Variants in IGF1R observed in about 807,000 individuals in gnomAD.
The protein encoded by IGF1R is insulin-like growth factor 1 receptor.
In IGF1R, 44 loss-of-function variants were observed where a neutral mutation model predicts 144.6. The ratio of observed to expected loss-of-function variants is 0.30; its 90% confidence interval spans 0.24 to 0.39. The LOEUF (loss-of-function observed/expected upper bound fraction) is 0.39. Among genes scored for constraint, IGF1R ranks in the 10% least tolerant of loss-of-function variants. IGF1R has a pLI of 1.00. For synonymous variants in IGF1R, 795 were observed against 722.8 expected (o/e 1.10, Z -1.60); for missense variants, 1,355 against 1,833.7 (o/e 0.74, Z 4.77).
intron 2 of IGF1R, among the ~76,000 whole-genome samples, chr15:98,785,208 G>A (rs1020148290): frequency 2.0e-5 from 3 of 152,116 alleles, no homozygotes; most frequent in Non-Finnish European, 4.4e-5. Context: ...TGTTATTTAG[G>A]TAATTGAATC....
At chr15:98,888,879 C>A (rs1029037776) in intron 2 of IGF1R, among the ~76,000 whole-genome samples, 4 of 152,192 alleles carry the variant, frequency 2.6e-5, no homozygotes, top group Non-Finnish European at 5.9e-5. Context: ...TCATAAGGGA[C>A]TAAGTTCCTT....
chr15:98,896,794 G>C lies in IGF1R; in HGVS notation c.991G>C (p.Val331Leu), dbSNP rs769313679. ...CIPCEGPCPK[V>L]CEEEKKTKTI... ...CCCTTGTGAAGGTCCTTGCCCGAAG[G>C]TCTGTGAGGAAGAAAAGAAAACAAA... The change falls in exon 4 of 21, where the codon GTC (valine) becomes CTC (leucine). Residue 331 changes from valine to leucine, a missense_variant. Val to Leu is a conservative substitution (Grantham distance 32). This residue lies in a region of IGF1R where 880 missense variants were observed against 1,202.7 expected (regional missense o/e 0.73). Coordinates refer to ENST00000650285, the MANE Select transcript of IGF1R (RefSeq NM_000875.5). The C allele has an allele frequency of 6.2e-7, 1 of 1,613,994 alleles. No individual in the cohort carries two copies. The highest frequency in any genetic ancestry group is 8.5e-7 in the Non-Finnish European group (1 of 1,179,996).
chr15:98,800,547 C>T (rs1193034865), intron 2 of IGF1R, among the ~76,000 whole-genome samples: 2 of 152,148 alleles, frequency 1.3e-5, no homozygotes, highest in Non-Finnish European at 2.9e-5. Flanking sequence ...GAGTGTGACT[C>T]AGCAGATGGG....
intron 2 of IGF1R, among the ~76,000 whole-genome samples, chr15:98,884,743 T>C (rs1175451136): frequency 6.6e-6 from 1 of 151,924 alleles, no homozygotes; most frequent in East Asian, 1.9e-4. Context: ...GGACATATCT[T>C]GAATCTACCC....
chr15:98,938,150 CGCACCACTGGGCACTTTCTGT>C (rs1420786274), intron 17 of IGF1R, among the ~76,000 whole-genome samples: 1 of 152,216 alleles, frequency 6.6e-6, no homozygotes, highest in African/African-American at 2.4e-5. Context: ...CTATGTGCCA[CGCACCACTGGGCACTTTCTGT>C]GCGTGGCCCC....
intron 2 of IGF1R, among the ~76,000 whole-genome samples, chr15:98,784,077 C>A (rs61297860): frequency 7.1e-6 from 1 of 141,068 alleles, no homozygotes; most frequent in Non-Finnish European, 1.5e-5. Context: ...CGGGTTCAAG[C>A]GATTCTCCTG....
intron 10 of IGF1R, among the ~76,000 whole-genome samples, chr15:98,920,267 T>G (rs1225887372): frequency 6.6e-6 from 1 of 152,214 alleles, no homozygotes; most frequent in African/African-American, 2.4e-5. Context: ...CTTCCCCTGT[T>G]CCTGCCTTCC....
intron 1 of IGF1R, among the ~76,000 whole-genome samples, chr15:98,693,655 G>T (rs1278096166): frequency 6.6e-6 from 1 of 152,164 alleles, no homozygotes; most frequent in Non-Finnish European, 1.5e-5. Context: ...ACCCAGGCTG[G>T]AGTGCAATGG....
At position 98,957,137 on chromosome 15, in the gene IGF1R, A is replaced by C; in HGVS notation, c.3799A>C (p.Lys1267Gln). Residue 1267 changes from lysine (K) to glutamine (Q), a missense_variant, in exon 21 of 21, where the codon AAA becomes CAA. Around this residue, in one of 7 missense-constraint regions of IGF1R, gnomAD observed 219 missense variants for 188.8 expected, o/e 1.16. Transcript: ENST00000650285. ...PSFLEIISSI[K>Q]EEMEPGFREV... ...CTTCCTGGAGATCATCAGCAGCATC[A>C]AAGAGGAGATGGAGCCTGGCTTCCG... 1.2e-6 allele frequency: 2 copies of C among 1,614,240 alleles called. No individual in the cohort carries two copies. Among genetic ancestry groups the C allele is most frequent in the East Asian group, 2.2e-5 (1 of 44,882 alleles).
At chr15:98,673,393 C>T (rs1169745235) in intron 1 of IGF1R, among the ~76,000 whole-genome samples, 1 of 152,156 alleles carries the variant, frequency 6.6e-6, no homozygotes, top group Non-Finnish European at 1.5e-5. Context: ...TTTACCTTTC[C>T]TCAGCTGCTC....
intron 2 of IGF1R, among the ~76,000 whole-genome samples, chr15:98,746,686 G>C (rs2054874459): frequency 6.6e-6 from 1 of 152,144 alleles, no homozygotes; most frequent in Admixed American, 6.5e-5. Context: ...CCTTGTCATT[G>C]TTCAAGTCAC....
intron 7 of IGF1R, 48 bp from the exon 8 acceptor site, chr15:98,912,996 T>C: frequency 7.4e-7 from 1 of 1,349,310 alleles, no homozygotes; most frequent in Non-Finnish European, 1.1e-6. Flanking sequence ...TTTTTGAGGG[T>C]TTTGATGTCA....
At chr15:98,736,658 CTGGAG>C (rs1168044502) in intron 2 of IGF1R, among the ~76,000 whole-genome samples, 1 of 146,266 alleles carries the variant, frequency 6.8e-6, no homozygotes, top group East Asian at 2.0e-4. Context: ...ATTGTCCAGG[CTGGAG>C]TGGAGTGGCA....
At chr15:98,675,916 C>G (rs749437131) in intron 1 of IGF1R, among the ~76,000 whole-genome samples, 4 of 150,328 alleles carry the variant, frequency 2.7e-5, no homozygotes, top group Non-Finnish European at 5.9e-5. Context: ...GCCTCCCCCT[C>G]CCCAGTCCAA....
chr15:98,744,108 G>A (rs2054809536), intron 2 of IGF1R, among the ~76,000 whole-genome samples: 1 of 152,016 alleles, frequency 6.6e-6, no homozygotes, highest in Non-Finnish European at 1.5e-5. Flanking sequence ...TCCCAGCAGT[G>A]ACTTGGTTTA....
At chr15:98,956,247 C>T (rs562175260) in intron 20 of IGF1R, among the ~76,000 whole-genome samples, 6 of 152,366 alleles carry the variant, frequency 3.9e-5, no homozygotes, top group Admixed American at 2.0e-4. Flanking sequence ...CAGGTGCTGT[C>T]GGAGCCCAGC....
chr15:98,726,305 T>C (rs2054358460), intron 2 of IGF1R, among the ~76,000 whole-genome samples: 1 of 152,220 alleles, frequency 6.6e-6, no homozygotes, highest in South Asian at 2.1e-4. Context: ...GTAGCTCACC[T>C]AATACTTCCT....
At chr15:98,943,860 A>G (rs994701869) in intron 19 of IGF1R, among the ~76,000 whole-genome samples, 3 of 152,112 alleles carry the variant, frequency 2.0e-5, no homozygotes, top group Admixed American at 6.5e-5. Flanking sequence ...TAGAGGAACT[A>G]TTTCAATAGT....
Position 98,922,448 on chromosome 15 carries a change from C to G in IGF1R, c.2485+17C>G. 1 of 1,605,088 alleles carries G rather than the reference C, an allele frequency of 6.2e-7. No homozygotes were observed. Among genetic ancestry groups the G allele is most frequent in the South Asian group, 1.1e-5 (1 of 90,954 alleles). ...TGCCCGCAGGTATGGTATGATCCAG[C>G]TGGCCCCATTGCCACCTTCCTCACA... On this transcript the variant is annotated intron_variant, in intron 11 of 20. Transcript: ENST00000650285.
Sources: allele counts gnomAD v4.1 joint callset (sites outside exome capture counted in the v4.1 genomes callset), GRCh38; gene constraint gnomAD v4.1.1; regional missense constraint gnomAD v4.1.1; transcripts MANE v1.5; gene names NCBI Gene and HGNC (gene_info 2026-07-23, HGNC 2026-07-21).